ATP11A: variants seen among roughly 807,000 people sequenced by gnomAD.
The protein encoded by ATP11A is phospholipid-transporting ATPase IH.
A neutral mutation model predicts 154.4 loss-of-function variants in ATP11A; 81 were observed. The ratio of observed to expected loss-of-function variants is 0.52; its 90% confidence interval spans 0.44 to 0.63. ATP11A has a LOEUF of 0.63. Ranked by LOEUF, ATP11A falls within the 30% of genes least tolerant of loss-of-function variation. ATP11A has a pLI of 0.00. For synonymous variants in ATP11A, 623 were observed against 585.9 expected, an observed-to-expected ratio of 1.06 and a Z score of -0.91; for missense variants, 1,316 against 1,474.3, an observed-to-expected ratio of 0.89 and a Z score of 1.76.
At chr13:112,769,399 C>T (rs968406956) in intron 1 of ATP11A, among the ~76,000 whole-genome samples, 2 of 152,222 alleles carry the variant, frequency 1.3e-5, no homozygotes, top group Non-Finnish European at 2.9e-5. Flanking sequence ...CTGCCCGCTG[C>T]GTTTGGGGGT....
intron 25 of ATP11A, among the ~76,000 whole-genome samples, chr13:112,871,450 G>A (rs1260053461): frequency 1.3e-5 from 2 of 152,200 alleles, no homozygotes; most frequent in Non-Finnish European, 2.9e-5. Flanking sequence ...CAGGGCCAGC[G>A]TCAGGAGCGG....
intron 29 of ATP11A, chr13:112,881,532 C>T (rs1000224552): frequency 4.4e-6 from 5 of 1,134,738 alleles, no homozygotes; most frequent in Non-Finnish European, 5.5e-6. Context: ...TCCCTGGGGC[C>T]CCTGGGTTCT....
At chr13:112,756,594 C>A (rs79542473) in intron 1 of ATP11A, among the ~76,000 whole-genome samples, 4 of 152,198 alleles carry the variant, frequency 2.6e-5, no homozygotes, top group African/African-American at 9.7e-5. Flanking sequence ...ACAGCAGACA[C>A]GATTTCAGAC....
intron 14 of ATP11A, among the ~76,000 whole-genome samples, chr13:112,833,730 G>A (rs1030490166): frequency 7.2e-5 from 11 of 152,158 alleles, no homozygotes; most frequent in South Asian, 2.1e-4. Flanking sequence ...CAGTATCACC[G>A]GGGCCCTTCG....
In ATP11A at chr13:112,785,159, G is replaced by A; in HGVS notation, c.64G>A (p.Asp22Asn). The change falls in exon 2 of 30, where the codon GAC (aspartate) becomes AAC (asparagine). Residue 22 changes from aspartate (D) to asparagine (N), a missense_variant. By Grantham distance (23) the Asp-to-Asn change is conservative. Coordinates refer to ENST00000375645, the MANE Select transcript of ATP11A (RefSeq NM_015205.3). This position sits in a 1 kb window ranked among gnomAD's most constrained non-coding sequence, Gnocchi z 4.8. ...GTGTGCAGGAGAAGAGAATTGGGTG[G>A]ACAGCAGGACCATCTACGTGGGACA... ...RYCAGEENWVDSRTIYVGHRE... is the reference protein window; with the variant it reads ...RYCAGEENWVNSRTIYVGHRE... 7.0e-6 allele frequency: 11 copies of A among 1,562,952 alleles called. No individual in the cohort carries two copies. The highest frequency in any genetic ancestry group is 9.5e-6 in the Non-Finnish European group (11 of 1,155,546).
chr13:112,880,547 G>A (rs1459168377), intron 29 of ATP11A: 2 of 1,299,014 alleles, frequency 1.5e-6, no homozygotes, highest in Non-Finnish European at 2.0e-6. Flanking sequence ...GCCTTGCAGA[G>A]GGGTGTGAAG....
chr13:112,823,520 G>A (rs1220323802), intron 9 of ATP11A, 111 bp downstream of exon 9: 2 of 846,182 alleles, frequency 2.4e-6, no homozygotes, highest in East Asian at 2.7e-5. Context: ...TTGAGGTGCT[G>A]GAGGCTTTCT....
At position 112,845,773 on chromosome 13, in the gene ATP11A, C is replaced by T. The variant is rs981357364; in HGVS notation, c.1809+3394C>T. ...TAACCAGTCCAGTTGCCGGCACTAG[C>T]GGTACTAACCAGTCCAGTTTCCAGG... On this transcript the variant is annotated intron_variant, in intron 17 of 29. Transcript: ENST00000375645. Among the ~76,000 whole-genome samples the T allele has an allele frequency of 3.5e-4, 45 of 128,564 alleles. 2 individuals carry two copies. Among genetic ancestry groups the T allele is most frequent in the African/African-American group, 1.5e-3 (42 of 27,180 alleles). The allele number at this position is 128,564 out of a possible 152,430, so 84.3% of individuals were successfully genotyped here.
chr13:112,863,719 T>C (rs1263212971), intron 25 of ATP11A, among the ~76,000 whole-genome samples: 1 of 52,276 alleles, frequency 1.9e-5, no homozygotes, highest in Non-Finnish European at 3.7e-5. Context: ...CCCAGCGGGG[T>C]CCATCACCAC....
intron 25 of ATP11A, among the ~76,000 whole-genome samples, chr13:112,867,323 G>A (rs1315688024): frequency 6.6e-5 from 10 of 152,188 alleles, no homozygotes; most frequent in Admixed American, 3.9e-4. Flanking sequence ...CCGGACGTCC[G>A]GCTCCAGACT....
chr13:112,878,612 C>A (rs899873893), intron 29 of ATP11A, among the ~76,000 whole-genome samples: 1 of 152,242 alleles, frequency 6.6e-6, no homozygotes, highest in Non-Finnish European at 1.5e-5. Flanking sequence ...ACCCCTCACA[C>A]AGGTGTCAGA....
intron 1 of ATP11A, among the ~76,000 whole-genome samples, chr13:112,762,765 A>G (rs1290404687): frequency 6.6e-6 from 1 of 152,256 alleles, no homozygotes; most frequent in Non-Finnish European, 1.5e-5. Flanking sequence ...AACGTAAAAC[A>G]TCACAAACAA....
chr13:112,810,607 T>C lies in ATP11A; in HGVS notation c.334-12T>C, dbSNP rs1025757066. 6.2e-7 allele frequency: 1 copy of C among 1,610,318 alleles called. No homozygotes were observed. The highest frequency in any genetic ancestry group is 1.3e-5 in the African/African-American group (1 of 74,814). Reference sequence around the variant, plus strand: ...CTGCTTCCTCTCTCCCTTCTTTCCTTCCTTTTTTTAGGGTTATGAAGACTG... The same window carrying C: ...CTGCTTCCTCTCTCCCTTCTTTCCTCCCTTTTTTTAGGGTTATGAAGACTG... On this transcript the variant is annotated splice_polypyrimidine_tract_variant and intron_variant, in intron 4 of 29. Transcript: ENST00000375645.
At chr13:112,784,833 C>G (rs1481993989) in intron 1 of ATP11A, among the ~76,000 whole-genome samples, 1 of 152,198 alleles carries the variant, frequency 6.6e-6, no homozygotes, top group Non-Finnish European at 1.5e-5. Flanking sequence ...GCGTTCTGTT[C>G]TTATGTACAC....
At chr13:112,814,733 C>A (rs532524367) in intron 5 of ATP11A, among the ~76,000 whole-genome samples, 1 of 152,196 alleles carries the variant, frequency 6.6e-6, no homozygotes, top group East Asian at 1.9e-4. Flanking sequence ...GCCCACCAAT[C>A]CCACACTGTT....
chr13:112,770,557 C>T (rs1566456401), intron 1 of ATP11A, among the ~76,000 whole-genome samples: 1 of 152,222 alleles, frequency 6.6e-6, no homozygotes, highest in African/African-American at 2.4e-5. Context: ...TGAAGCCTCA[C>T]CCCAGACCCC....
chr13:112,706,924 A>T (rs1314734626), intron 1 of ATP11A, among the ~76,000 whole-genome samples: 1 of 152,218 alleles, frequency 6.6e-6, no homozygotes, highest in Non-Finnish European at 1.5e-5. Flanking sequence ...CTTTTTTGCG[A>T]CTGAGTTATT....
intron 25 of ATP11A, among the ~76,000 whole-genome samples, chr13:112,870,876 G>A (rs905751381): frequency 8.5e-5 from 13 of 152,228 alleles, no homozygotes; most frequent in Admixed American, 5.9e-4. Context: ...GCCTCGTGCG[G>A]TAGAGAGGCG....
chr13:112,865,089 T>A (rs2080279265), intron 25 of ATP11A, among the ~76,000 whole-genome samples: 1 of 117,598 alleles, frequency 8.5e-6, no homozygotes, highest in Non-Finnish European at 1.8e-5. Context: ...ACATGGGCAG[T>A]AATTCAGTGC....
Sources: gnomAD v4.1 joint callset for allele counts (sites outside exome capture counted in the v4.1 genomes callset) on GRCh38, gnomAD v4.1.1 for gene constraint, Gnocchi (gnomAD v3.1) non-coding constraint, MANE v1.5 for transcripts, NCBI Gene and HGNC (gene_info 2026-07-23, HGNC 2026-07-21) for gene names.